IL16: variants seen among roughly 807,000 people sequenced by gnomAD.
IL16 encodes the protein interleukin 16.
In IL16, 67 loss-of-function variants were observed where a neutral mutation model predicts 110.1. The ratio of observed to expected loss-of-function variants is 0.61; its 90% CI spans 0.50 to 0.75. IL16 has a LOEUF of 0.75. Among genes scored for constraint, IL16 ranks in the 30% least tolerant of loss-of-function variants. The pLI is 0.00. For synonymous variants in IL16, 689 were observed against 662.9 expected (o/e 1.04, Z -0.61); for missense variants, 1,545 against 1,655.0 (o/e 0.93, Z 1.15).
chr15:81,193,659 C>T (rs1052568445), upstream of IL16, among the ~76,000 whole-genome samples: 3 of 152,118 alleles, frequency 2.0e-5, no homozygotes, highest in African/African-American at 7.2e-5. Context: ...CTATATGTTG[C>T]TGTGGGCCAG....
At chr15:81,265,570 G>A (rs1898338964) in intron 3 of IL16, 89 bp from the exon 4 acceptor site, 1 of 1,435,930 alleles carries the variant, frequency 7.0e-7, no homozygotes, top group Middle Eastern at 1.8e-4. Flanking sequence ...ACTGGCCCCT[G>A]GCTAATGAGG....
At position 81,269,631 on chromosome 15, in the gene IL16, A is replaced by C. The variant is rs1898546856; in HGVS notation, c.658A>C (p.Met220Leu). 1.2e-6 allele frequency: 2 copies of C among 1,613,182 alleles called. No individual in the cohort carries two copies. Among genetic ancestry groups the C allele is most frequent in the Non-Finnish European group, 1.7e-6 (2 of 1,179,290 alleles). The change falls in exon 5 of 19, where the codon ATG (methionine) becomes CTG (leucine). Residue 220 changes from methionine to leucine, a missense_variant. Met to Leu is a conservative substitution (Grantham distance 15). This residue lies in a region of IL16 where 1,185 missense variants were observed against 1,238.8 expected (regional missense o/e 0.96). Coordinates refer to ENST00000683961, the MANE Select transcript of IL16 (RefSeq NM_172217.5). ...TTCAGTCATCTCCAACATCGTGCTG[A>C]TGAAGGGCCAGGCTAAGGTGAGAAG... ...QASVISNIVL[M>L]KGQAKGLGFS... is the part of the protein sequence containing the mutation.
chr15:81,232,977 C>A (rs1017599325), intron 2 of IL16, among the ~76,000 whole-genome samples: 1 of 152,078 alleles, frequency 6.6e-6, no homozygotes, highest in African/African-American at 2.4e-5. Context: ...ACCTATGAGC[C>A]GTCTGGGACT....
In IL16 at chr15:81,247,971, T is replaced by C. The variant is rs1459078919; in HGVS notation, c.313-11801T>C. ...TGTTTATGTTTAAAGAGACATTGTA[T>C]ATAGCTATTAACCTTACTGCTTTTT... On this transcript the variant is annotated intron_variant, in intron 2 of 18. Transcript: ENST00000683961. 2.6e-5 allele frequency among the ~76,000 whole-genome samples: 4 copies of C among 152,354 alleles called. No homozygotes were observed. The East Asian group carries it at 5.8e-4, about 22-fold the overall frequency.
At chr15:81,265,989 G>A (rs1355529089) in intron 4 of IL16, among the ~76,000 whole-genome samples, 188 bp downstream of exon 4, 1 of 152,212 alleles carries the variant, frequency 6.6e-6, no homozygotes, top group Admixed American at 6.5e-5. Flanking sequence ...CATTAGAAAT[G>A]GTCATCCATT....
intron 1 of IL16, among the ~76,000 whole-genome samples, chr15:81,210,734 CA>C (rs1448590483): frequency 1.3e-5 from 2 of 152,192 alleles, no homozygotes; most frequent in African/African-American, 2.4e-5. Context: ...TCAGTTCTAG[CA>C]GACTTTTGTT....
Position 81,313,020 on chromosome 15 carries a change from C to T in IL16, c.*4222C>T, listed in dbSNP as rs1008895842. 10 of 333,660 alleles carry T rather than the reference C, an allele frequency of 3.0e-5. No homozygotes were observed. Among genetic ancestry groups the T allele is most frequent in the Non-Finnish European group, 5.4e-5 (10 of 185,616 alleles). The allele number at this position is 333,660 out of a possible 1,614,324, so 20.7% of individuals were successfully genotyped here. A position where few individuals can be genotyped will look rare whatever the true frequency, so the allele number is the denominator to read the frequency against. On this transcript the variant is annotated 3_prime_UTR_variant, in exon 19 of 19. Coordinates refer to ENST00000683961, the MANE Select transcript of IL16 (RefSeq NM_172217.5). ...TGCCAGGAGAGGCGTGTTTGGGTAA[C>T]AGGCAGATGGAGTTTGGAACACATG...
At chr15:81,183,020 A>AGTGAGTGTGTGTGTGCACACGT (rs1199628638) in intron 1 of IL16, 2 of 502,000 alleles carry the variant, frequency 4.0e-6, no homozygotes, top group East Asian at 6.9e-5. Flanking sequence ...GTAGTATATG[A>AGTGAGTGTGTGTGTGCACACGT]GTGAGTGTGT....
At chr15:81,237,659 T>C (rs980971529) in intron 2 of IL16, among the ~76,000 whole-genome samples, 2 of 152,144 alleles carry the variant, frequency 1.3e-5, no homozygotes, top group Non-Finnish European at 2.9e-5. Flanking sequence ...CCACTTAATT[T>C]TGGGTTATTA....
intron 4 of IL16, among the ~76,000 whole-genome samples, chr15:81,267,287 G>T (rs563370083): frequency 6.6e-6 from 1 of 152,314 alleles, no homozygotes; most frequent in African/African-American, 2.4e-5. Context: ...GAATTGAGGG[G>T]TTACATTCCA....
chr15:81,255,414 T>C (rs1897909872), intron 2 of IL16, among the ~76,000 whole-genome samples: 1 of 152,194 alleles, frequency 6.6e-6, no homozygotes, highest in Non-Finnish European at 1.5e-5. Context: ...TACTGGAGCC[T>C]CCAGCTACTT....
chr15:81,265,270 G>A (rs1045779067), intron 3 of IL16, among the ~76,000 whole-genome samples: 2 of 152,098 alleles, frequency 1.3e-5, no homozygotes, highest in East Asian at 3.9e-4. Context: ...GCTTGTCCTC[G>A]GAAACCTTTG....
intron 2 of IL16, among the ~76,000 whole-genome samples, chr15:81,247,539 A>G (rs1897608555): frequency 6.6e-6 from 1 of 152,224 alleles, no homozygotes; most frequent in Non-Finnish European, 1.5e-5. Flanking sequence ...AAGAAGTTGC[A>G]AAGATAGTAC....
At chr15:81,252,539 A>C (rs1897801773) in intron 2 of IL16, among the ~76,000 whole-genome samples, 1 of 152,150 alleles carries the variant, frequency 6.6e-6, no homozygotes, top group Non-Finnish European at 1.5e-5. Context: ...AATGGTTTTT[A>C]GTATATTTAC....
chr15:81,221,666 C>T (rs138343481), intron 1 of IL16, among the ~76,000 whole-genome samples: 256 of 147,726 alleles, frequency 1.7e-3, no homozygotes, highest in African/African-American at 5.9e-3. Flanking sequence ...AGCTCTTTTG[C>T]AATTGTTCTC....
intron 17 of IL16, 62 bp from the exon 18 acceptor site, chr15:81,306,358 C>T: frequency 6.2e-7 from 1 of 1,600,064 alleles, no homozygotes. Context: ...CACTTGAAGC[C>T]CAGGGCATCT....
chr15:81,283,421 CAA>C (rs1364578056), intron 9 of IL16, among the ~76,000 whole-genome samples: 1 of 152,068 alleles, frequency 6.6e-6, no homozygotes, highest in Non-Finnish European at 1.5e-5. Context: ...CCGTGTTCCT[CAA>C]AGTGTGGTCT....
chr15:81,243,158 TATA>T (rs1897398824), intron 2 of IL16, among the ~76,000 whole-genome samples: 1 of 47,500 alleles, frequency 2.1e-5, no homozygotes, highest in Non-Finnish European at 4.3e-5. Flanking sequence ...TATATATATA[TATA>T]TATTTTTTTT....
At chr15:81,259,642 AG>A in intron 2 of IL16, 129 bp from the exon 3 acceptor site, 1 of 620,746 alleles carries the variant, frequency 1.6e-6, no homozygotes, top group East Asian at 2.8e-5. Flanking sequence ...CTGCTCTTAT[AG>A]TACTTATCAT....
Sources: gnomAD v4.1 joint callset for allele counts (sites outside exome capture counted in the v4.1 genomes callset) on GRCh38, gnomAD v4.1.1 for gene constraint, gnomAD v4.1.1 regional missense constraint, MANE v1.5 for transcripts, NCBI Gene and HGNC (gene_info 2026-07-23, HGNC 2026-07-21) for gene names.